CLSTN2: variants seen among roughly 807,000 people sequenced by gnomAD.
CLSTN2 encodes the protein calsyntenin 2.
A neutral mutation model predicts 101.2 loss-of-function variants in CLSTN2; 48 were observed. That is an observed-to-expected ratio of 0.47 (90% CI 0.38 to 0.60). The LOEUF (loss-of-function observed/expected upper bound fraction) is 0.60, where lower values mean the gene tolerates loss of function less well. Ranked by LOEUF, CLSTN2 falls within the 20% of genes least tolerant of loss-of-function variation. The pLI is 0.00. For synonymous variants in CLSTN2, 481 were observed against 463.6 expected, an observed-to-expected ratio of 1.04 and a Z score of -0.48; for missense variants, 1,160 against 1,238.2, an observed-to-expected ratio of 0.94 and a Z score of 0.95.
At chr3:140,128,474 T>TG (rs1319255061) in intron 1 of CLSTN2, among the ~76,000 whole-genome samples, 1 of 152,090 alleles carries the variant, frequency 6.6e-6, no homozygotes, top group African/African-American at 2.4e-5. Context: ...TACAAAAGTG[T>TG]GGGCAGGATA....
intron 1 of CLSTN2, among the ~76,000 whole-genome samples, chr3:139,945,803 A>G (rs567042681): frequency 6.6e-6 from 1 of 152,368 alleles, no homozygotes; most frequent in Admixed American, 6.5e-5. Flanking sequence ...TGTTTGATTT[A>G]TTATTTTAAT....
At chr3:140,062,888 C>T (rs968209102) in intron 1 of CLSTN2, among the ~76,000 whole-genome samples, 1 of 152,132 alleles carries the variant, frequency 6.6e-6, no homozygotes, top group Non-Finnish European at 1.5e-5. Context: ...CCCCTATGTA[C>T]ATTATCTCAG....
At chr3:140,131,838 G>A (rs1195682743) in intron 1 of CLSTN2, among the ~76,000 whole-genome samples, 2 of 152,058 alleles carry the variant, frequency 1.3e-5, no homozygotes, top group African/African-American at 4.8e-5. Context: ...AAGATACAGA[G>A]GGGAGAATGC....
chr3:140,281,586 T>C (rs1479399603), intron 2 of CLSTN2, among the ~76,000 whole-genome samples: 1 of 152,142 alleles, frequency 6.6e-6, no homozygotes, highest in Non-Finnish European at 1.5e-5. Context: ...GGGAGATGTT[T>C]CCAGGATCTC....
intron 2 of CLSTN2, among the ~76,000 whole-genome samples, chr3:140,317,291 G>A (rs57563861): frequency 0.023 from 3,557 of 152,118 alleles, 88 homozygotes; most frequent in South Asian, 0.1. Context: ...GACTCTTCTC[G>A]GGGAGCTCAT....
At chr3:140,311,880 C>T (rs2087172276) in intron 2 of CLSTN2, among the ~76,000 whole-genome samples, 1 of 152,128 alleles carries the variant, frequency 6.6e-6, no homozygotes, top group Admixed American at 6.5e-5. Context: ...AATGAATCAC[C>T]CAGGGAATGA....
chr3:139,970,145 T>C (rs776491740), intron 1 of CLSTN2, among the ~76,000 whole-genome samples: 5 of 152,136 alleles, frequency 3.3e-5, no homozygotes, highest in African/African-American at 7.2e-5. Context: ...TGGGCTGGGG[T>C]GTGGCTTGGA....
In CLSTN2 at chr3:140,574,044, C is replaced by G. The variant is rs1985656321; in HGVS notation, c.*7791C>G. On this transcript the variant is annotated 3_prime_UTR_variant, in exon 17 of 17. Transcript: ENST00000458420. ...CTCCTTAAGGTAAGAAGACTACCGA[C>G]TTAGCTATTGTGGCACCACGGGAGC... 6.6e-6 allele frequency: 1 copy of G among 152,266 alleles called. No homozygotes were observed. The highest frequency in any genetic ancestry group is 2.4e-5 in the African/African-American group (1 of 41,464). 9.4% of individuals were successfully genotyped at this position (152,266 alleles called of 1,614,324 possible). A position where few individuals can be genotyped will look rare whatever the true frequency, so the allele number is the denominator to read the frequency against.
At chr3:140,149,039 A>T (rs761989712) in intron 1 of CLSTN2, among the ~76,000 whole-genome samples, 31 of 152,276 alleles carry the variant, frequency 2.0e-4, no homozygotes, top group Non-Finnish European at 4.1e-4. Context: ...CTTCCTCTTC[A>T]GGGAGCTGTA....
chr3:140,286,350 T>G (rs2086895847), intron 2 of CLSTN2, among the ~76,000 whole-genome samples: 1 of 152,168 alleles, frequency 6.6e-6, no homozygotes, highest in African/African-American at 2.4e-5. Context: ...CACAAATCAG[T>G]TAAGTGTTTA....
intron 2 of CLSTN2, among the ~76,000 whole-genome samples, chr3:140,337,707 T>A (rs1467855084): frequency 6.6e-6 from 1 of 152,138 alleles, no homozygotes; most frequent in Non-Finnish European, 1.5e-5. Flanking sequence ...TCAGTAGGAT[T>A]TCTTGAGCCC....
intron 2 of CLSTN2, among the ~76,000 whole-genome samples, chr3:140,292,155 CA>C (rs1242313284): frequency 1.6e-4 from 25 of 152,192 alleles, no homozygotes; most frequent in African/African-American, 6.0e-4. Context: ...GCCTCCCAAG[CA>C]CTCCTCTTGC....
At chr3:140,345,546 G>A (rs1440040178) in intron 2 of CLSTN2, among the ~76,000 whole-genome samples, 1 of 151,630 alleles carries the variant, frequency 6.6e-6, no homozygotes, top group East Asian at 1.9e-4. Flanking sequence ...CACCGCGCCC[G>A]GCCGGATATA....
intron 13 of CLSTN2, 70 bp from the exon 14 acceptor site, chr3:140,562,741 G>A (rs1179625344): frequency 2.6e-6 from 4 of 1,544,394 alleles, no homozygotes; most frequent in East Asian, 4.5e-5. Flanking sequence ...CACAAGCCCT[G>A]GCTTGTCTCC....
At position 140,478,872 on chromosome 3, in the gene CLSTN2, GAGGAAGGA is replaced by G. The variant is rs34907334; in HGVS notation, c.1344+12169_1344+12176del. On this transcript the variant is annotated intron_variant, in intron 8 of 16. Coordinates refer to ENST00000458420, the MANE Select transcript of CLSTN2 (RefSeq NM_022131.3). ...AGAAAGGAAGGAAGGAAGGGGGAAG[GAGGAAGGA>G]AGGAAGGAAGGAAGGAAGGAAGGAA... Among the ~76,000 whole-genome samples, 450 of 141,482 alleles carry G rather than the reference GAGGAAGGA, an allele frequency of 3.2e-3. 2 individuals are homozygous for G. The highest frequency in any genetic ancestry group is 4.5e-3 in the Non-Finnish European group (295 of 65,898). The allele number at this position is 141,482 out of a possible 152,430, so 92.8% of individuals were successfully genotyped here.
intron 2 of CLSTN2, among the ~76,000 whole-genome samples, chr3:140,361,598 A>T (rs954335822): frequency 6.6e-6 from 1 of 152,184 alleles, no homozygotes; most frequent in East Asian, 1.9e-4. Flanking sequence ...ATTCAACAAA[A>T]TTATCTTAGA....
Position 140,244,452 on chromosome 3 carries a change from T to A in CLSTN2, c.232+68379T>A, listed in dbSNP as rs965666381. ...TCTACATCCAACTAGGTGGCTACGA[T>A]GTTTGTGGGAAGGGTCCCTGTCTTA... On this transcript the variant is annotated intron_variant, in intron 2 of 16. Transcript: ENST00000458420. 2.0e-5 allele frequency among the ~76,000 whole-genome samples: 3 copies of A among 152,114 alleles called. No homozygotes were observed. The South Asian group carries it at 6.2e-4, about 32-fold the overall frequency.
rs1307818807 is a variant in CLSTN2, at chr3:140,567,709, T to A, written c.*1456T>A. ...CATCAATGTGTATGCTCTGTCCCCA[T>A]CCTTCACTCCTCCTCAAGCTCACAC... On this transcript the variant is annotated 3_prime_UTR_variant, in exon 17 of 17. Transcript: ENST00000458420. The A allele has an allele frequency of 1.3e-5, 2 of 152,196 alleles. No individual in the cohort carries two copies. Among genetic ancestry groups the A allele is most frequent in the African/African-American group, 4.8e-5 (2 of 41,442 alleles). The allele number at this position is 152,196 out of a possible 1,614,324, so 9.4% of individuals were successfully genotyped here.
At chr3:140,418,513 C>CTTTTTTTTTTTTTTTTT (rs1051422077) in intron 4 of CLSTN2, among the ~76,000 whole-genome samples, 1 of 42,126 alleles carries the variant, frequency 2.4e-5, no homozygotes, top group Non-Finnish European at 3.7e-5. Context: ...TTCTTTCTTT[C>CTTTTTTTTTTTTTTTTT]TTTCTTTTTT....
Sources: gnomAD v4.1 joint callset for allele counts (sites outside exome capture counted in the v4.1 genomes callset) on GRCh38, gnomAD v4.1.1 for gene constraint, MANE v1.5 for transcripts, NCBI Gene and HGNC (gene_info 2026-07-23, HGNC 2026-07-21) for gene names.